Variants in DDX56 observed in about 807,000 individuals in gnomAD.
The protein encoded by DDX56 is probable ATP-dependent RNA helicase DDX56.
A neutral mutation model predicts 61.5 loss-of-function variants in DDX56; 45 were observed. The observed-to-expected ratio is 0.73, with a 90% CI of 0.58 to 0.94. DDX56 has a LOEUF of 0.94. Ranked by LOEUF, DDX56 falls within the 40% of genes least tolerant of loss-of-function variation. The pLI is 0.00. For missense variants in DDX56, 708 were observed against 690.7 expected (o/e 1.02, Z -0.28); for synonymous variants, 273 against 268.3 (o/e 1.02, Z -0.17).
At chr7:44,566,561 C>A in intron 12 of DDX56, 37 bp from the exon 13 acceptor site, 1 of 1,478,938 alleles carries the variant, frequency 6.8e-7, no homozygotes, top group Non-Finnish European at 9.2e-7. Flanking sequence ...GGGCTCACCG[C>A]TACTGCTCCC....
chr7:44,569,383 C>T (rs574298623), intron 9 of DDX56, among the ~76,000 whole-genome samples, 180 bp from the exon 10 acceptor site: 3 of 152,348 alleles, frequency 2.0e-5, no homozygotes, highest in South Asian at 2.1e-4. Flanking sequence ...CATCTGTCCC[C>T]GTGTGTGGAT....
intron 7 of DDX56, among the ~76,000 whole-genome samples, chr7:44,570,535 C>A (rs956316472): frequency 6.6e-6 from 1 of 152,238 alleles, no homozygotes; most frequent in African/African-American, 2.4e-5. Context: ...ATGCCAACAA[C>A]CCCGGCAGTT....
intron 7 of DDX56, among the ~76,000 whole-genome samples, 197 bp from the exon 8 acceptor site, chr7:44,570,325 G>C (rs377552577): frequency 1.3e-5 from 2 of 152,248 alleles, no homozygotes; most frequent in East Asian, 3.9e-4. Flanking sequence ...CCCAAATCTC[G>C]GCCTGACCTC....
At chr7:44,566,325 C>A (rs532491942) in intron 13 of DDX56, 123 bp downstream of exon 13, 9 of 983,890 alleles carry the variant, frequency 9.1e-6, no homozygotes, top group Admixed American at 4.0e-5. Context: ...GGTGCCCCCT[C>A]TTCCCCTCCC....
intron 11 of DDX56, 87 bp from the exon 12 acceptor site, chr7:44,568,310 T>G: frequency 2.1e-6 from 2 of 975,512 alleles, no homozygotes; most frequent in Non-Finnish European, 1.5e-6. Flanking sequence ...AACACACTCA[T>G]GTGTTTCAAA....
In DDX56 at chr7:44,572,905, T is replaced by A; in HGVS notation, c.368A>T (p.Asp123Val). The A allele has an allele frequency of 6.3e-7, 1 of 1,593,256 alleles. No individual in the cohort carries two copies. ...VRVANVSAAE[D>V]SVSQRAVLME... is the part of the protein sequence containing the mutation. ...TTTTACCCACCTCTGAGAGACTGAGTCTTCAGCAGCTGAGACATTGGCCAC... is the reference window on the plus strand; with the variant it reads ...TTTTACCCACCTCTGAGAGACTGAGACTTCAGCAGCTGAGACATTGGCCAC... Residue 123 changes from aspartate to valine, a missense_variant, in exon 3 of 14, where the codon GAC (aspartate) becomes GTC (valine). Physicochemically the swap from Asp to Val is radical, Grantham distance 152 (BLOSUM62 -3). Coordinates refer to ENST00000258772, the MANE Select transcript of DDX56 (RefSeq NM_019082.4).
Position 44,566,013 on chromosome 7 carries a change from T to G in DDX56, c.1633A>C (p.Lys545Gln), listed in dbSNP as rs199660993. ...GAGGCCCAACAACCTCAGGAGGGCT[T>G]GGCTGTGGGTCTGAATTTCTTTCCT... The part of the protein sequence containing the change: ...HKGKKFRPTA[K>Q]PS The change falls in exon 14 of 14, where the codon AAG (lysine) becomes CAG (glutamine). Residue 545 changes from lysine (K) to glutamine (Q), a missense_variant. Lys to Gln is a moderately conservative substitution (Grantham distance 53). Coordinates refer to ENST00000258772, the MANE Select transcript of DDX56 (RefSeq NM_019082.4). 6.2e-7 allele frequency: 1 copy of G among 1,612,698 alleles called. No individual in the cohort carries two copies. Among genetic ancestry groups the G allele is most frequent in the African/African-American group, 1.3e-5 (1 of 75,016 alleles).
At chr7:44,569,658 A>C (rs1802623648) in intron 9 of DDX56, 151 bp downstream of exon 9, 15 of 693,136 alleles carry the variant, frequency 2.2e-5, no homozygotes, top group Non-Finnish European at 3.7e-5. Context: ...CTCAAGGGGG[A>C]CAGTGCCTGC....
At chr7:44,566,582 T>C in intron 12 of DDX56, 58 bp from the exon 13 acceptor site, 1 of 1,355,486 alleles carries the variant, frequency 7.4e-7, no homozygotes, top group Non-Finnish European at 1.0e-6. Flanking sequence ...ATCCCTGCCC[T>C]CCCGCTGATT....
Position 44,566,490 on chromosome 7 carries a change from G to C in DDX56, c.1524C>G (p.His508Gln), listed in dbSNP as rs199514187. 142 of 1,568,406 alleles carry C rather than the reference G, an allele frequency of 9.1e-5. No individual in the cohort carries two copies. The highest frequency in any genetic ancestry group is 4.1e-4 in the Admixed American group (22 of 54,066). The part of the protein sequence containing the change: ...PPALRGLVRP[H>Q]KKRKKLSSSC... ...AGGAAGACAGCTTCTTCCGCTTCTTGTGAGGGCGCACCAGGCCACGGAGAG... is the reference window on the plus strand; with the variant it reads ...AGGAAGACAGCTTCTTCCGCTTCTTCTGAGGGCGCACCAGGCCACGGAGAG... Residue 508 changes from histidine (H) to glutamine (Q), a missense_variant, in exon 13 of 14, where the codon CAC becomes CAG. Physicochemically the swap from His to Gln is conservative, Grantham distance 24 (BLOSUM62 0). Transcript: ENST00000258772.
Position 44,568,966 on chromosome 7 carries a change from C to G in DDX56, c.1320G>C (p.Gln440His). 1 of 1,614,176 alleles carries G rather than the reference C, an allele frequency of 6.2e-7. No individual in the cohort carries two copies. The highest frequency in any genetic ancestry group is 8.5e-7 in the Non-Finnish European group (1 of 1,180,046). ...CRDAMRSVTKQAIREARLKEI... is the reference protein window; with the variant it reads ...CRDAMRSVTKHAIREARLKEI... Reference sequence around the variant, plus strand: ...CCTTCAATCTTGCCTCCCGAATGGCCTGCTTAGTCACTGAGCGCATGGCAT... The same window carrying G: ...CCTTCAATCTTGCCTCCCGAATGGCGTGCTTAGTCACTGAGCGCATGGCAT... Residue 440 changes from glutamine to histidine, a missense_variant, in exon 11 of 14, where the codon CAG becomes CAC. By Grantham distance (24) the Gln-to-His change is conservative (BLOSUM62 0). Coordinates refer to ENST00000258772, the MANE Select transcript of DDX56 (RefSeq NM_019082.4).
intron 2 of DDX56, 106 bp from the exon 3 acceptor site, chr7:44,573,156 G>T: frequency 1.0e-6 from 1 of 982,236 alleles, no homozygotes; most frequent in Non-Finnish European, 1.5e-6. Context: ...ACACTACTTA[G>T]CAGTACTTTG....
Position 44,569,829 on chromosome 7 carries a change from A to G in DDX56, c.1199T>C (p.Ile400Thr). The G allele has an allele frequency of 6.2e-7, 1 of 1,609,494 alleles. No individual in the cohort carries two copies. The highest frequency in any genetic ancestry group is 1.1e-5 in the South Asian group (1 of 90,152). The part of the protein sequence containing the change: ...LPTEQFHLGK[I>T]EELLSGENRG... ...CTTACCTCCACTGAGAAGCTCCTCAATCTTGCCTAAGTGGAACTGCTCCGT... is the reference window on the plus strand; with the variant it reads ...CTTACCTCCACTGAGAAGCTCCTCAGTCTTGCCTAAGTGGAACTGCTCCGT... The change falls in exon 9 of 14, where the codon ATT becomes ACT. Residue 400 changes from isoleucine to threonine, a missense_variant. Transcript: ENST00000258772.
At chr7:44,567,500 C>A (rs1802572750) in intron 12 of DDX56, among the ~76,000 whole-genome samples, 1 of 152,200 alleles carries the variant, frequency 6.6e-6, no homozygotes. Flanking sequence ...CAGAGCCTGC[C>A]AAAGATGAGG....
chr7:44,573,199 G>A (rs557614428), intron 2 of DDX56, 149 bp from the exon 3 acceptor site: 2 of 709,508 alleles, frequency 2.8e-6, no homozygotes, highest in Admixed American at 3.4e-5. Flanking sequence ...TCAGAATGCA[G>A]AGTGGAGAGT....
At chr7:44,571,267 G>A (rs1052821322) in intron 6 of DDX56, among the ~76,000 whole-genome samples, 6 of 152,152 alleles carry the variant, frequency 3.9e-5, no homozygotes, top group Non-Finnish European at 7.3e-5. Context: ...TTGAACTCCC[G>A]ACCTCAGGCG....
chr7:44,569,589 A>G (rs1802622043), intron 9 of DDX56, among the ~76,000 whole-genome samples: 1 of 152,050 alleles, frequency 6.6e-6, no homozygotes, highest in South Asian at 2.1e-4. Flanking sequence ...AGGTCACTCA[A>G]CGCTCATGAG....
In DDX56 at chr7:44,570,073, C is replaced by T. The variant is rs1157204319; in HGVS notation, c.1066G>A (p.Ala356Thr). 1 of 1,614,154 alleles carries T rather than the reference C, an allele frequency of 6.2e-7. No homozygotes were observed. Among genetic ancestry groups the T allele is most frequent in the South Asian group, 1.1e-5 (1 of 91,072 alleles). Residue 356 changes from alanine to threonine, a missense_variant, in exon 8 of 14, where the codon GCT becomes ACT. Coordinates refer to ENST00000258772, the MANE Select transcript of DDX56 (RefSeq NM_019082.4). ...ARGIDFHHVS[A>T]VLNFDLPPTP... ...GGGGGAAGATCAAAGTTGAGCACAG[C>T]AGACACATGGTGGAAGTCTATGCCC...
At chr7:44,569,093 C>G (rs760165359) in intron 10 of DDX56, 37 bp downstream of exon 10, 1 of 1,612,964 alleles carries the variant, frequency 6.2e-7, no homozygotes, top group South Asian at 1.1e-5. Context: ...GCCACAGCCC[C>G]TCCCCTCTCA....
Sources: gnomAD v4.1 joint callset for allele counts (sites outside exome capture counted in the v4.1 genomes callset) on GRCh38, gnomAD v4.1.1 for gene constraint, MANE v1.5 for transcripts, NCBI Gene and HGNC (gene_info 2026-07-23, HGNC 2026-07-21) for gene names.